The following KYAT1 variants were observed in gnomAD, a reference collection of about 807,000 sequenced individuals.
The protein encoded by KYAT1 is kynurenine--oxoglutarate transaminase 1.
A neutral mutation model predicts 52.4 loss-of-function variants in KYAT1; 47 were observed. The observed-to-expected ratio is 0.90, with a 90% CI of 0.71 to 1.14. The LOEUF is 1.14. Ranked by LOEUF, KYAT1 falls within the 50% of genes most tolerant of loss-of-function variation. The pLI, the probability that KYAT1 is intolerant of heterozygous loss-of-function variation, is 0.00. For synonymous variants in KYAT1, 212 were observed against 209.6 expected, an observed-to-expected ratio of 1.01 and a Z score of -0.10; for missense variants, 480 against 557.9, an observed-to-expected ratio of 0.86 and a Z score of 1.41.
chr9:128,857,964 A>C (rs1026492955), intron 1 of KYAT1, among the ~76,000 whole-genome samples: 1 of 152,210 alleles, frequency 6.6e-6, no homozygotes, highest in Non-Finnish European at 1.5e-5. Context: ...TACACAACAA[A>C]AGAAAAAATA....
At chr9:128,881,185 A>G (rs1441241727) in intron 1 of KYAT1, among the ~76,000 whole-genome samples, 10 of 151,872 alleles carry the variant, frequency 6.6e-5, no homozygotes, top group Non-Finnish European at 1.5e-5. Context: ...AGTTCATGCC[A>G]TTCTCCTGCC....
At chr9:128,841,008 T>A (rs1254941862) in intron 3 of KYAT1, among the ~76,000 whole-genome samples, 1 of 152,250 alleles carries the variant, frequency 6.6e-6, no homozygotes, top group African/African-American at 2.4e-5. Flanking sequence ...GCAGAAGCAG[T>A]CCATCAGTGC....
At chr9:128,880,952 C>T (rs1020559803) in intron 1 of KYAT1, among the ~76,000 whole-genome samples, 2 of 152,202 alleles carry the variant, frequency 1.3e-5, no homozygotes, top group Non-Finnish European at 2.9e-5. Context: ...GTACCCAAGA[C>T]CCCAATTCTG....
chr9:128,881,146 T>A (rs1339071304), intron 1 of KYAT1, among the ~76,000 whole-genome samples: 1 of 152,144 alleles, frequency 6.6e-6, no homozygotes, highest in Non-Finnish European at 1.5e-5. Flanking sequence ...AGCGGCGCGA[T>A]CTCGGCTCAC....
intron 8 of KYAT1, 53 bp from the exon 9 acceptor site, chr9:128,835,921 C>T: frequency 1.2e-6 from 2 of 1,606,142 alleles, no homozygotes; most frequent in South Asian, 1.1e-5. Flanking sequence ...TGGCTAAAGC[C>T]TTCTTCATTC....
At position 128,833,478 on chromosome 9, in the gene KYAT1, G is replaced by A; in HGVS notation, c.*106C>T. The A allele has an allele frequency of 8.5e-7, 1 of 1,173,542 alleles. No homozygotes were observed. Among genetic ancestry groups the A allele is most frequent in the Non-Finnish European group, 1.3e-6 (1 of 790,574 alleles). The allele number at this position is 1,173,542 out of a possible 1,614,324, so 72.7% of individuals were successfully genotyped here. A position where few individuals can be genotyped will look rare whatever the true frequency, so the allele number is the denominator to read the frequency against. On this transcript the variant is annotated 3_prime_UTR_variant, in exon 13 of 13. Transcript: ENST00000302586. ...GTCACGGAGAAGAGGTTTCCCAATA[G>A]CATCTTCCCCAACCTAGAAATGTCT... is the stretch of plus-strand genomic sequence containing the variant.
chr9:128,837,552 TCCTCAGTGCTCATTGTGTGTGGC>T, intron 6 of KYAT1, 110 bp downstream of exon 6: 1 of 1,036,876 alleles, frequency 9.6e-7, no homozygotes, highest in Non-Finnish European at 1.4e-6. Context: ...GGAGTCTTGG[TCCTCAGTGCTCATTGTGTGTGGC>T]CCTCCCACAC....
intron 1 of KYAT1, among the ~76,000 whole-genome samples, chr9:128,876,228 A>C (rs1838006120): frequency 6.7e-6 from 1 of 150,304 alleles, no homozygotes. Flanking sequence ...GCATGCCCCA[A>C]CCCCCAGCTC....
In KYAT1 at chr9:128,837,833, G is replaced by A. The variant is rs1033272897; in HGVS notation, c.439-20C>T. On this transcript the variant is annotated intron_variant, in intron 5 of 12. Coordinates refer to ENST00000302586, the MANE Select transcript of KYAT1 (RefSeq NM_004059.5). ...GGGACCCTGCAAGAGCAGGTGGCAT[G>A]GGGTGGTACCACTTAACCACCTGAC... 39 of 1,612,760 alleles carry A rather than the reference G, an allele frequency of 2.4e-5. No individual in the cohort carries two copies. Among genetic ancestry groups the A allele is most frequent in the Admixed American group, 8.3e-5 (5 of 59,980 alleles).
rs36019409 is a variant in KYAT1 at position 128,868,181 on chromosome 9, AT to A, written c.-7+13715del. On this transcript the variant is annotated intron_variant, in intron 1 of 12. Coordinates refer to ENST00000302586, the MANE Select transcript of KYAT1 (RefSeq NM_004059.5). The stretch of plus-strand genomic sequence containing the variant: ...AAACCCAAACATCTATGGCCCACTA[AT>A]TTTTTTTTTTTTGAGTCAGAGTCTC... Among the ~76,000 whole-genome samples the A allele has an allele frequency of 8.4e-3, 1,202 of 142,400 alleles. 8 individuals carry two copies. Among genetic ancestry groups the A allele is most frequent in the African/African-American group, 0.021 (814 of 38,842 alleles). 93.4% of individuals were successfully genotyped at this position (142,400 alleles called of 152,430 possible). A position where few individuals can be genotyped will look rare whatever the true frequency, so the allele number is the denominator to read the frequency against.
chr9:128,867,165 TC>T (rs1836510944), intron 1 of KYAT1, among the ~76,000 whole-genome samples: 1 of 152,102 alleles, frequency 6.6e-6, no homozygotes, highest in Admixed American at 6.5e-5. Context: ...ACTCAACACT[TC>T]CTCTCCTAAA....
In KYAT1 at chr9:128,840,344, C is replaced by T. The variant is rs570613083; in HGVS notation, c.202-1977G>A. ...CACCACCTCGGCCCACTGCAACCTC[C>T]GCCTCCCGGGTTCAAGCGATTCTTG... On this transcript the variant is annotated intron_variant, in intron 3 of 12. Coordinates refer to ENST00000302586, the MANE Select transcript of KYAT1 (RefSeq NM_004059.5). 1.9e-3 allele frequency among the ~76,000 whole-genome samples: 294 copies of T among 152,238 alleles called. 3 individuals carry two copies. The highest frequency in any genetic ancestry group is 3.4e-3 in the Non-Finnish European group (228 of 68,012).
At chr9:128,868,898 G>T (rs1836815410) in intron 1 of KYAT1, among the ~76,000 whole-genome samples, 1 of 151,894 alleles carries the variant, frequency 6.6e-6, no homozygotes, top group South Asian at 2.1e-4. Flanking sequence ...TAGAGACGGG[G>T]TTTCACCATG....
In KYAT1 at chr9:128,833,830, G is replaced by C; in HGVS notation, c.1123-4C>G. ...AGACAGGGATGGCCACCAAGCCCTG[G>C]GGAGGAGGAAGGACATGTCTCAACA... On this transcript the variant is annotated splice_region_variant and splice_polypyrimidine_tract_variant and intron_variant, in intron 11 of 12. Coordinates refer to ENST00000302586, the MANE Select transcript of KYAT1 (RefSeq NM_004059.5). The C allele has an allele frequency of 6.2e-7, 1 of 1,613,536 alleles. No homozygotes were observed. The highest frequency in any genetic ancestry group is 8.5e-7 in the Non-Finnish European group (1 of 1,179,458).
intron 2 of KYAT1, among the ~76,000 whole-genome samples, chr9:128,845,093 T>C (rs1425960327): frequency 1.3e-5 from 2 of 152,030 alleles, no homozygotes; most frequent in African/African-American, 4.8e-5. Context: ...TCCAGGTGGG[T>C]ATAACTCTTC....
At chr9:128,866,874 C>A (rs1836465057) in intron 1 of KYAT1, among the ~76,000 whole-genome samples, 1 of 151,554 alleles carries the variant, frequency 6.6e-6, no homozygotes, top group Non-Finnish European at 1.5e-5. Context: ...CCACTGCACT[C>A]CAGTCTGGGT....
chr9:128,836,819 TG>T lies in KYAT1; in HGVS notation c.670del (p.His224ThrfsTer17), dbSNP rs757013723. On this transcript the variant is annotated frameshift_variant, in exon 7 of 13. Coordinates refer to ENST00000302586, the MANE Select transcript of KYAT1 (RefSeq NM_004059.5). LOFTEE classifies it high-confidence loss of function. ...EVYQWMVYDGHQHISIASLPG... is the reference protein window; with the variant it reads ...EVYQWMVYDGXQHISIASLPG... ...TGGCTCACCAATGCTGATGTGCTGG[TG>T]CCCGTCGTAGACCATCCACTGGTAG... 1 of 1,613,774 alleles carries T rather than the reference TG, an allele frequency of 6.2e-7. No homozygotes were observed. Among genetic ancestry groups the T allele is most frequent in the Admixed American group, 1.7e-5 (1 of 59,996 alleles).
chr9:128,836,302 GTTT>G (rs71497420), intron 7 of KYAT1, among the ~76,000 whole-genome samples: 1 of 93,054 alleles, frequency 1.1e-5, no homozygotes. Flanking sequence ...TTCTTTCTTT[GTTT>G]TTTTTTTTTT....
At position 128,833,552 on chromosome 9, in the gene KYAT1, G is replaced by C. The variant is rs762491432; in HGVS notation, c.*32C>G. ...TCAAAGAGGATCTCTGCGGGCATGT[G>C]GGGATGTCAGGGCCAAGGCGTGACT... On this transcript the variant is annotated 3_prime_UTR_variant, in exon 13 of 13. Coordinates refer to ENST00000302586, the MANE Select transcript of KYAT1 (RefSeq NM_004059.5). The C allele has an allele frequency of 6.2e-7, 1 of 1,602,954 alleles. No individual in the cohort carries two copies. Among genetic ancestry groups the C allele is most frequent in the African/African-American group, 1.3e-5 (1 of 74,810 alleles).
Sources: allele counts gnomAD v4.1 joint callset (sites outside exome capture counted in the v4.1 genomes callset), GRCh38; gene constraint gnomAD v4.1.1; transcripts MANE v1.5; gene names NCBI Gene and HGNC (gene_info 2026-07-23, HGNC 2026-07-21).